ELAVL1: variants seen among roughly 807,000 people sequenced by gnomAD.
The protein encoded by ELAVL1 is ELAV-like protein 1.
ELAVL1 carries 1 observed loss-of-function variant against 28.4 expected under a neutral mutation model. The ratio of observed to expected loss-of-function variants is 0.04; its 90% CI spans 0.01 to 0.17. The LOEUF (loss-of-function observed/expected upper bound fraction) is 0.17, where lower values mean the gene tolerates loss of function less well. Ranked by LOEUF, ELAVL1 falls within the 10% of genes least tolerant of loss-of-function variation. The pLI, the probability that ELAVL1 is intolerant of heterozygous loss-of-function variation, is 1.00. For missense variants in ELAVL1, 157 were observed against 447.2 expected (o/e 0.35, Z 5.85); for synonymous variants, 174 against 183.5 (o/e 0.95, Z 0.42).
At chr19:7,983,537 C>A (rs1233169066) in intron 2 of ELAVL1, among the ~76,000 whole-genome samples, 1 of 152,154 alleles carries the variant, frequency 6.6e-6, no homozygotes, top group Non-Finnish European at 1.5e-5. Context: ...TTCTTGACCA[C>A]GACGCCAGCC....
chr19:7,967,368 C>T lies in ELAVL1; in HGVS notation c.656+197G>A, dbSNP rs752434766. Among the ~76,000 whole-genome samples, 5 of 152,188 alleles carry T rather than the reference C, an allele frequency of 3.3e-5. No homozygotes were observed. In the East Asian group the frequency reaches 5.8e-4, roughly 18 times the overall value. ...CTGTTTTGATTCCCATGAAAGACAA[C>T]GCCCAATCGGAAGTAAACGGCTTTC... On this transcript the variant is annotated intron_variant, in intron 5 of 5. Transcript: ENST00000407627.
chr19:8,002,168 T>G, intron 1 of ELAVL1: 3 of 1,265,364 alleles, frequency 2.4e-6, no homozygotes, highest in Non-Finnish European at 3.1e-6. Flanking sequence ...ACACACGATG[T>G]TCTCTGAACA....
At chr19:7,985,459 G>A (rs1985575047) in intron 2 of ELAVL1, among the ~76,000 whole-genome samples, 1 of 152,222 alleles carries the variant, frequency 6.6e-6, no homozygotes. Flanking sequence ...AGGCAGGTGT[G>A]GGAATCCACA....
At chr19:7,971,231 C>T (rs1246302063) in intron 4 of ELAVL1, among the ~76,000 whole-genome samples, 1 of 152,142 alleles carries the variant, frequency 6.6e-6, no homozygotes, top group East Asian at 1.9e-4. Context: ...TGCCTGTGGC[C>T]CGTGTGTGCC....
chr19:7,984,330 T>A (rs1206433431), intron 2 of ELAVL1, among the ~76,000 whole-genome samples: 1 of 152,058 alleles, frequency 6.6e-6, no homozygotes, highest in Non-Finnish European at 1.5e-5. Flanking sequence ...CTGACAAGCA[T>A]TAAGACAGGG....
chr19:7,989,825 CTT>C (rs992234804), intron 2 of ELAVL1, among the ~76,000 whole-genome samples: 2 of 152,170 alleles, frequency 1.3e-5, no homozygotes, highest in Non-Finnish European at 2.9e-5. Context: ...GGAGAGAAGG[CTT>C]TCTTATTCAG....
At chr19:7,995,676 C>T (rs561260756) in intron 1 of ELAVL1, among the ~76,000 whole-genome samples, 2 of 152,012 alleles carry the variant, frequency 1.3e-5, no homozygotes, top group African/African-American at 2.4e-5. Flanking sequence ...AAAAATCTGC[C>T]GACCTCTGTT....
At chr19:7,976,041 C>T (rs1985273839) in intron 3 of ELAVL1, among the ~76,000 whole-genome samples, 1 of 150,894 alleles carries the variant, frequency 6.6e-6, no homozygotes, top group South Asian at 2.1e-4. Flanking sequence ...TGCAGTGAGC[C>T]GTGATCACAT....
chr19:8,000,498 G>T (rs1178412182), intron 1 of ELAVL1, among the ~76,000 whole-genome samples: 1 of 152,178 alleles, frequency 6.6e-6, no homozygotes, highest in Non-Finnish European at 1.5e-5. Flanking sequence ...AGCAAAACTA[G>T]AACAGTCAAA....
In ELAVL1 at chr19:7,963,366, TCAGA is replaced by T. The variant is rs1387651476; in HGVS notation, c.*113_*116del. On this transcript the variant is annotated 3_prime_UTR_variant, in exon 6 of 6. Transcript: ENST00000407627. This position sits in a 1 kb window ranked among gnomAD's most constrained non-coding sequence, Gnocchi z 4.5. ...GTATAAAAACCTTCTCACTTCTCAT[TCAGA>T]CAAAGACAAACACTTGTGAAAATTG... 3.3e-5 allele frequency: 42 copies of T among 1,255,840 alleles called. No homozygotes were observed. Among genetic ancestry groups the T allele is most frequent in the East Asian group, 2.9e-4 (12 of 41,660 alleles). The allele number at this position is 1,255,840 out of a possible 1,614,324, so 77.8% of individuals were successfully genotyped here.
At chr19:7,990,134 T>C (rs1295199444) in intron 2 of ELAVL1, among the ~76,000 whole-genome samples, 1 of 152,230 alleles carries the variant, frequency 6.6e-6, no homozygotes, top group Non-Finnish European at 1.5e-5. Flanking sequence ...GTGATTCTCC[T>C]GCCTCGGCCT....
chr19:7,959,026 A>C lies in ELAVL1; in HGVS notation c.*4457T>G, dbSNP rs554941332. 3 of 153,438 alleles carry C rather than the reference A, an allele frequency of 2.0e-5. No individual in the cohort carries two copies. Among genetic ancestry groups the C allele is most frequent in the African/African-American group, 7.2e-5 (3 of 41,516 alleles). The allele number at this position is 153,438 out of a possible 1,614,324, so 9.5% of individuals were successfully genotyped here. A position where few individuals can be genotyped will look rare whatever the true frequency, so the allele number is the denominator to read the frequency against. On this transcript the variant is annotated 3_prime_UTR_variant, in exon 6 of 6. Coordinates refer to ENST00000407627, the MANE Select transcript of ELAVL1 (RefSeq NM_001419.3). ...AAATCTAGGTTTGCTTTTTCCTCCT[A>C]AAACACTAAAGAACATTTATTCACA... is the stretch of plus-strand genomic sequence containing the variant.
chr19:7,973,522 G>A (rs904018753), intron 4 of ELAVL1: 18 of 656,432 alleles, frequency 2.7e-5, no homozygotes, highest in African/African-American at 1.1e-4. Context: ...GAGCCACCAC[G>A]CCCAGATATC....
chr19:7,975,986 G>A (rs575804693), intron 3 of ELAVL1, among the ~76,000 whole-genome samples: 11 of 152,052 alleles, frequency 7.2e-5, no homozygotes, highest in Admixed American at 2.6e-4. Context: ...CCAGCTACTC[G>A]GGAGGCTGAG....
intron 3 of ELAVL1, among the ~76,000 whole-genome samples, chr19:7,976,880 G>T (rs1568310656): frequency 6.7e-6 from 1 of 150,278 alleles, no homozygotes. Context: ...TAGAGACAGG[G>T]TCTTGCTATG....
rs996437886 is a variant in ELAVL1, at chr19:7,959,972, G to T, written c.*3511C>A. The T allele has an allele frequency of 3.3e-5, 5 of 152,210 alleles. No individual in the cohort carries two copies. The highest frequency in any genetic ancestry group is 1.3e-4 in the Admixed American group (2 of 15,276). The allele number at this position is 152,210 out of a possible 1,614,324, so 9.4% of individuals were successfully genotyped here. On this transcript the variant is annotated 3_prime_UTR_variant, in exon 6 of 6. Coordinates refer to ENST00000407627, the MANE Select transcript of ELAVL1 (RefSeq NM_001419.3). ...CTCTTTCATCCAACACAGGAAGGCT[G>T]CGAAAAGCACATGGAAATAAAAGGG...
At position 7,987,959 on chromosome 19, in the gene ELAVL1, T is replaced by A. The variant is rs891717180; in HGVS notation, c.172+3685A>T. On this transcript the variant is annotated intron_variant, in intron 2 of 5. Transcript: ENST00000407627. ...TGAGGAGGGGAGTGACAGGGTCACA[T>A]GCGGGCTGTCAAACAGGCCCCTCTG... is the stretch of plus-strand genomic sequence containing the variant. 4.6e-5 allele frequency among the ~76,000 whole-genome samples: 7 copies of A among 152,218 alleles called. No homozygotes were observed. In the Middle Eastern group the frequency reaches 0.014, roughly 296 times the overall value.
In ELAVL1 at chr19:7,990,341, T is replaced by G. The variant is rs1291675946; in HGVS notation, c.172+1303A>C. ...CCAGCATTCAACTTTTAAATTAGTT[T>G]TTTTTTTTTTTGAGACAAGGTCTCA... is the stretch of plus-strand genomic sequence containing the variant. On this transcript the variant is annotated intron_variant, in intron 2 of 5. Coordinates refer to ENST00000407627, the MANE Select transcript of ELAVL1 (RefSeq NM_001419.3). Among the ~76,000 whole-genome samples the G allele has an allele frequency of 2.0e-5, 3 of 149,854 alleles. No individual in the cohort carries two copies. The East Asian group carries it at 6.0e-4, about 30-fold the overall frequency.
intron 3 of ELAVL1, among the ~76,000 whole-genome samples, chr19:7,980,417 G>T (rs1985426839): frequency 6.6e-6 from 1 of 152,194 alleles, no homozygotes; most frequent in Non-Finnish European, 1.5e-5. Context: ...GGGGTAAGTG[G>T]GGCTCGGGGT....
Sources: gnomAD v4.1 joint callset for allele counts (sites outside exome capture counted in the v4.1 genomes callset) on GRCh38, gnomAD v4.1.1 for gene constraint, Gnocchi (gnomAD v3.1) non-coding constraint, MANE v1.5 for transcripts, NCBI Gene and HGNC (gene_info 2026-07-23, HGNC 2026-07-21) for gene names.